Variants in ARSG observed in about 807,000 individuals in gnomAD.
The protein encoded by ARSG is arylsulfatase G, also known as ASG.
A neutral mutation model predicts 50.5 loss-of-function variants in ARSG; 37 were observed. The observed-to-expected ratio is 0.73, with a 90% confidence interval of 0.56 to 0.96. The LOEUF (loss-of-function observed/expected upper bound fraction) is 0.96, where lower values mean the gene tolerates loss of function less well. Ranked by LOEUF, ARSG falls within the 50% of genes least tolerant of loss-of-function variation. The pLI, the probability that ARSG is intolerant of heterozygous loss-of-function variation, is 0.00. For missense variants in ARSG, 629 were observed against 675.3 expected, an observed-to-expected ratio of 0.93 and a Z score of 0.76; for synonymous variants, 225 against 254.6, an observed-to-expected ratio of 0.88 and a Z score of 1.11.
At chr17:68,389,476 C>T (rs1387991024) in intron 9 of ARSG, among the ~76,000 whole-genome samples, 1 of 152,020 alleles carries the variant, frequency 6.6e-6, no homozygotes, top group African/African-American at 2.4e-5. Context: ...GTGGGCACCT[C>T]ACTTTTCTCG....
chr17:68,336,806 T>C (rs758576355), intron 2 of ARSG, among the ~76,000 whole-genome samples: 1 of 152,016 alleles, frequency 6.6e-6, no homozygotes, highest in Non-Finnish European at 1.5e-5. Context: ...TGAGCTGAGA[T>C]TGCAACATCA....
rs150683466 is a variant in ARSG at position 68,420,447 on chromosome 17, G to T, written c.1562G>T (p.Arg521Leu). ...PCCNPYQIACRCQAA is the reference protein window; with the variant it reads ...PCCNPYQIACLCQAA ...TGTAATCCCTACCAAATTGCCTGCC[G>T]CTGTCAAGCCGCATAACAGACCAAT... Residue 521 changes from arginine (R) to leucine (L), a missense_variant, in exon 12 of 12, where the codon CGC becomes CTC. By Grantham distance (102) the Arg-to-Leu change is moderately radical (BLOSUM62 -2). Transcript: ENST00000621439. 1 of 1,613,958 alleles carries T rather than the reference G, an allele frequency of 6.2e-7. No individual in the cohort carries two copies. Among genetic ancestry groups the T allele is most frequent in the Non-Finnish European group, 8.5e-7 (1 of 1,179,838 alleles).
intron 2 of ARSG, among the ~76,000 whole-genome samples, 156 bp downstream of exon 2, chr17:68,307,867 C>T (rs1160119605): frequency 2.0e-5 from 3 of 151,968 alleles, no homozygotes; most frequent in Non-Finnish European, 4.4e-5. Flanking sequence ...AGCATAGCAT[C>T]GTGAAGAAAT....
intron 8 of ARSG, chr17:68,379,997 G>A (rs574282381): frequency 1.7e-5 from 7 of 420,648 alleles, no homozygotes; most frequent in African/African-American, 1.3e-4. Flanking sequence ...ATGGGTCCAC[G>A]TAATACATGA....
the ARSG span, chr17:68,450,750 A>G: frequency 2.5e-6 from 4 of 1,612,916 alleles, no homozygotes; most frequent in Non-Finnish European, 3.4e-6. Flanking sequence ...CCTTATGGAC[A>G]AGATGTTGCT....
At chr17:68,364,992 C>G (rs56410872) in intron 6 of ARSG, among the ~76,000 whole-genome samples, 14,508 of 152,170 alleles carry the variant, frequency 0.095, 958 homozygotes, top group African/African-American at 0.19. Flanking sequence ...ATGCTTACTA[C>G]TGCTGGCATG....
At chr17:68,335,506 A>G (rs7226220) in intron 2 of ARSG, among the ~76,000 whole-genome samples, 1 of 150,340 alleles carries the variant, frequency 6.7e-6, no homozygotes. Context: ...GTGAGCCGAG[A>G]TCATGCCACT....
chr17:68,323,316 T>C (rs1361824558), intron 2 of ARSG, among the ~76,000 whole-genome samples: 1 of 152,128 alleles, frequency 6.6e-6, no homozygotes, highest in Non-Finnish European at 1.5e-5. Flanking sequence ...GTCTGAGAAG[T>C]CAATGAAAAC....
intron 8 of ARSG, among the ~76,000 whole-genome samples, chr17:68,371,582 A>C (rs1325343562): frequency 6.6e-6 from 1 of 152,226 alleles, no homozygotes; most frequent in Admixed American, 6.5e-5. Context: ...ACAATTTGAC[A>C]TATGGACCAA....
At chr17:68,309,329 C>T (rs966187901) in intron 2 of ARSG, among the ~76,000 whole-genome samples, 2 of 152,232 alleles carry the variant, frequency 1.3e-5, no homozygotes, top group East Asian at 1.9e-4. Context: ...AGCCGGCTCT[C>T]GCCTTGGCCA....
chr17:68,287,071 C>T (rs2075857715), upstream of ARSG, among the ~76,000 whole-genome samples: 4 of 152,214 alleles, frequency 2.6e-5, no homozygotes, highest in South Asian at 8.3e-4. Context: ...GCAACCTCCA[C>T]CTCCCGGGTT....
intron 1 of ARSG, among the ~76,000 whole-genome samples, chr17:68,306,149 T>C (rs2076599743): frequency 6.6e-6 from 1 of 152,006 alleles, no homozygotes; most frequent in Admixed American, 6.6e-5. Context: ...ATTGCAGGCA[T>C]ACGCCACCAT....
intron 2 of ARSG, among the ~76,000 whole-genome samples, chr17:68,326,594 G>A (rs1334344420): frequency 6.6e-6 from 1 of 152,236 alleles, no homozygotes; most frequent in African/African-American, 2.4e-5. Context: ...GAACCTGGGA[G>A]GCGGAGGTTG....
chr17:68,449,946 G>T, the ARSG span, among the ~76,000 whole-genome samples: 1 of 152,188 alleles, frequency 6.6e-6, no homozygotes, highest in Non-Finnish European at 1.5e-5. Context: ...GGGAGATGGA[G>T]GCTGCAGTGA....
chr17:68,366,202 G>A (rs933008825), intron 6 of ARSG, among the ~76,000 whole-genome samples: 2 of 151,594 alleles, frequency 1.3e-5, no homozygotes, highest in Non-Finnish European at 2.9e-5. Flanking sequence ...GCCTCCCAAA[G>A]TGCTGGGATT....
At chr17:68,370,127 A>G (rs2079756731) in intron 7 of ARSG, among the ~76,000 whole-genome samples, 1 of 151,856 alleles carries the variant, frequency 6.6e-6, no homozygotes, top group Admixed American at 6.6e-5. Flanking sequence ...CGTTTTTTGC[A>G]CCTCAGCCTA....
chr17:68,383,554 A>G (rs750912148), intron 8 of ARSG, among the ~76,000 whole-genome samples: 2 of 152,202 alleles, frequency 1.3e-5, no homozygotes, highest in Non-Finnish European at 2.9e-5. Context: ...AGCTTCCACA[A>G]AGATGCCCCC....
At chr17:68,401,319 T>C in intron 10 of ARSG, 41 bp from the exon 11 acceptor site, 1 of 1,575,450 alleles carries the variant, frequency 6.3e-7, no homozygotes, top group South Asian at 1.1e-5. Context: ...CACCGAGTTC[T>C]GCCAATTTTT....
chr17:68,417,122 T>C (rs1256870872), intron 11 of ARSG, among the ~76,000 whole-genome samples: 2 of 152,156 alleles, frequency 1.3e-5, no homozygotes, highest in African/African-American at 4.8e-5. Context: ...TAAGTCTTAG[T>C]AGTTTTGGTG....
Sources: gnomAD v4.1 joint callset for allele counts (sites outside exome capture counted in the v4.1 genomes callset) on GRCh38, gnomAD v4.1.1 for gene constraint, MANE v1.5 for transcripts, NCBI Gene and HGNC (gene_info 2026-07-23, HGNC 2026-07-21) for gene names.